KLHL3: variants seen among roughly 807,000 people sequenced by gnomAD.
The protein encoded by KLHL3 is kelch-like protein 3.
Under a neutral mutation model 70.5 loss-of-function variants are expected in KLHL3, and 19 were observed. That is an observed-to-expected ratio of 0.27 (90% CI 0.19 to 0.40). KLHL3 has a LOEUF of 0.40. Ranked by LOEUF, KLHL3 falls within the 10% of genes least tolerant of loss-of-function variation. KLHL3 has a pLI of 1.00. For synonymous variants in KLHL3, 258 were observed against 290.3 expected (o/e 0.89, Z 1.13); for missense variants, 512 against 771.1 (o/e 0.66, Z 3.98).
At chr5:137,645,009 T>C (rs1189784870) in intron 8 of KLHL3, among the ~76,000 whole-genome samples, 1 of 152,092 alleles carries the variant, frequency 6.6e-6, no homozygotes, top group East Asian at 1.9e-4. Context: ...TGGTTCAATA[T>C]AACACAAATC....
In KLHL3 at chr5:137,677,587, G is replaced by A; in HGVS notation, c.594C>T (p.Ser198=). 1.9e-6 allele frequency: 3 copies of A among 1,610,052 alleles called. No individual in the cohort carries two copies. The highest frequency in any genetic ancestry group is 1.1e-5 in the South Asian group (1 of 90,440). The change falls in exon 6 of 15, where the codon AGC becomes AGT. Residue 198 remains serine, a synonymous_variant. Transcript: ENST00000309755. ...FLSLSLDQVC[S]LISSDKLTVS... is the part of the protein sequence containing the mutation. ...CGGTCAGCTTGTCGCTGGATATCAA[G>A]CTGCACACCTGGTCCAGACTCAGGC...
intron 4 of KLHL3, among the ~76,000 whole-genome samples, chr5:137,694,378 G>C (rs1416932764): frequency 1.3e-5 from 2 of 152,174 alleles, no homozygotes; most frequent in Non-Finnish European, 2.9e-5. Context: ...ACCCTCTTCT[G>C]AAAGTTTTGG....
intron 8 of KLHL3, among the ~76,000 whole-genome samples, chr5:137,652,823 C>G (rs1267932460): frequency 1.3e-5 from 2 of 151,844 alleles, no homozygotes. Context: ...GTGTTCTTAC[C>G]ACAAAAAAAT....
intron 6 of KLHL3, among the ~76,000 whole-genome samples, chr5:137,670,227 C>CAA (rs1290763856): frequency 6.6e-6 from 1 of 151,930 alleles, no homozygotes; most frequent in East Asian, 1.9e-4. Context: ...ATATCTAATA[C>CAA]AAAAACTGTT....
Position 137,628,291 on chromosome 5 carries a change from C to G in KLHL3, c.1591+6G>C. 1 of 1,614,036 alleles carries G rather than the reference C, an allele frequency of 6.2e-7. No homozygotes were observed. Among genetic ancestry groups the G allele is most frequent in the South Asian group, 1.1e-5 (1 of 91,038 alleles). On this transcript the variant is annotated splice_donor_region_variant and intron_variant, in intron 13 of 14. Transcript: ENST00000309755. ...CCAAAGGGGAGATGGAGAGAGCAGT[C>G]ATTACCTGCGTTGCGCCGGCACATG...
intron 8 of KLHL3, among the ~76,000 whole-genome samples, chr5:137,649,679 A>G (rs1751150563): frequency 6.6e-6 from 1 of 152,266 alleles, no homozygotes; most frequent in East Asian, 1.9e-4. Flanking sequence ...AGTGGGTGAC[A>G]TAACCCAAGG....
rs983267255 is a variant in KLHL3, at chr5:137,618,721, C to A, written c.*3377G>T. 6.7e-6 allele frequency: 1 copy of A among 149,542 alleles called. No individual in the cohort carries two copies. The highest frequency in any genetic ancestry group is 2.5e-5 in the African/African-American group (1 of 40,344). The allele number at this position is 149,542 out of a possible 1,614,324, so 9.3% of individuals were successfully genotyped here. ...CAGTGCCCGTCAGTGGGAGCCACCA[C>A]GAGACAGCCCGGCCTCACCCCCACA... On this transcript the variant is annotated 3_prime_UTR_variant, in exon 15 of 15. Transcript: ENST00000309755.
At chr5:137,647,665 C>T (rs979641997) in intron 8 of KLHL3, 8 of 456,700 alleles carry the variant, frequency 1.8e-5, no homozygotes, top group African/African-American at 4.0e-5. Flanking sequence ...ACAATTCATC[C>T]GATGGAGCAT....
intron 14 of KLHL3, among the ~76,000 whole-genome samples, chr5:137,623,387 C>A (rs1750372990): frequency 6.6e-6 from 1 of 152,200 alleles, no homozygotes; most frequent in African/African-American, 2.4e-5. Flanking sequence ...CCTGTTTATT[C>A]CTGGCTAAAG....
intron 6 of KLHL3, among the ~76,000 whole-genome samples, chr5:137,669,854 A>G (rs1751707187): frequency 6.6e-6 from 1 of 152,244 alleles, no homozygotes; most frequent in Non-Finnish European, 1.5e-5. Context: ...GAAGGAATTC[A>G]ATCCGGGCAG....
intron 8 of KLHL3, among the ~76,000 whole-genome samples, chr5:137,655,788 A>T (rs1461546284): frequency 6.6e-6 from 1 of 152,048 alleles, no homozygotes; most frequent in Non-Finnish European, 1.5e-5. Flanking sequence ...GTTCGAGACC[A>T]GCCTAGGCAA....
chr5:137,698,559 AC>A, intron 3 of KLHL3, 151 bp from the exon 4 acceptor site: 1 of 856,044 alleles, frequency 1.2e-6, no homozygotes, highest in Non-Finnish European at 1.8e-6. Context: ...AAGAGGATAA[AC>A]CAGGTAACAT....
rs369597812 is a variant in KLHL3 at position 137,623,920 on chromosome 5, A to C, written c.1736-1794T>G. Among the ~76,000 whole-genome samples the C allele has an allele frequency of 5.9e-5, 9 of 152,356 alleles. No homozygotes were observed. In the East Asian group the frequency reaches 1.7e-3, roughly 29 times the overall value. On this transcript the variant is annotated intron_variant, in intron 14 of 14. Transcript: ENST00000309755. ...TGACTCCAATATCCATCTGTAGAAG[A>C]AGCAGCAGCTATTCAACCCCCACTC...
At chr5:137,698,720 G>A (rs1752502205) in intron 3 of KLHL3, among the ~76,000 whole-genome samples, 1 of 152,132 alleles carries the variant, frequency 6.6e-6, no homozygotes, top group Admixed American at 6.5e-5. Flanking sequence ...CATATACAAG[G>A]CCAGAAAAAG....
intron 4 of KLHL3, chr5:137,692,660 A>G: frequency 1.8e-6 from 1 of 541,254 alleles, no homozygotes; most frequent in South Asian, 2.4e-5. Flanking sequence ...GTATCCCTAC[A>G]GCCATGCTTC....
intron 2 of KLHL3, among the ~76,000 whole-genome samples, chr5:137,711,045 C>T (rs953027020): frequency 6.6e-6 from 1 of 152,162 alleles, no homozygotes; most frequent in African/African-American, 2.4e-5. Context: ...AAACACACTT[C>T]AACTGTGAGC....
intron 8 of KLHL3, among the ~76,000 whole-genome samples, chr5:137,650,346 T>TA (rs2149891686): frequency 6.6e-6 from 1 of 152,288 alleles, no homozygotes; most frequent in African/African-American, 2.4e-5. Context: ...CCTGTACCCC[T>TA]ATGAGGGCAT....
intron 3 of KLHL3, among the ~76,000 whole-genome samples, chr5:137,701,951 T>C (rs1445011422): frequency 6.6e-6 from 1 of 152,232 alleles, no homozygotes; most frequent in African/African-American, 2.4e-5. Context: ...TCTGCTAACA[T>C]GCATGTCCTG....
intron 8 of KLHL3, among the ~76,000 whole-genome samples, chr5:137,651,066 A>G (rs1161202449): frequency 6.6e-6 from 1 of 152,238 alleles, no homozygotes; most frequent in Non-Finnish European, 1.5e-5. Flanking sequence ...CACTAAAGCC[A>G]TGTGAAAACG....
Sources: gnomAD v4.1 joint callset for allele counts (sites outside exome capture counted in the v4.1 genomes callset) on GRCh38, gnomAD v4.1.1 for gene constraint, MANE v1.5 for transcripts, NCBI Gene and HGNC (gene_info 2026-07-23, HGNC 2026-07-21) for gene names.